The following NPHP4 variants were observed in gnomAD, a reference collection of about 807,000 sequenced individuals.
The protein encoded by NPHP4 is nephrocystin 4, also known as nephrocystin-4.
A neutral mutation model predicts 155.8 loss-of-function variants in NPHP4; 151 were observed. The observed-to-expected ratio is 0.97, with a 90% CI of 0.85 to 1.11. The LOEUF is 1.11. NPHP4 is among the 50% of genes least tolerant of loss of function. The probability of loss-of-function intolerance (pLI) is 0.00; values close to 1 mark genes in which losing one functional copy is unlikely to be tolerated. For missense variants in NPHP4, 1,956 were observed against 1,925.7 expected, an observed-to-expected ratio of 1.02 and a Z score of -0.29; for synonymous variants, 845 against 816.8, an observed-to-expected ratio of 1.03 and a Z score of -0.59.
At position 5,890,433 on chromosome 1, in the gene NPHP4, T is replaced by C. The variant is rs1644060617; in HGVS notation, c.2304+435A>G. On this transcript the variant is annotated intron_variant, in intron 17 of 29. Transcript: ENST00000378156. The surrounding 1 kb of genome is among the most constrained non-coding windows in gnomAD (Gnocchi z 4.9). ...ACAATTAGTAAAAGAGATTCTAATTTTCACCAGAATGAGAAAAGAACAACA... is the reference window on the plus strand; with the variant it reads ...ACAATTAGTAAAAGAGATTCTAATTCTCACCAGAATGAGAAAAGAACAACA... 6.6e-6 allele frequency among the ~76,000 whole-genome samples: 1 copy of C among 152,112 alleles called. No homozygotes were observed. The highest frequency in any genetic ancestry group is 1.9e-4 in the East Asian group (1 of 5,166).
intron 9 of NPHP4, among the ~76,000 whole-genome samples, chr1:5,937,767 T>C (rs977664048): frequency 6.6e-6 from 1 of 152,204 alleles, no homozygotes; most frequent in African/African-American, 2.4e-5. Context: ...AAAGACAAAC[T>C]ACTGCGTCAA....
At chr1:5,875,931 C>T (rs557946900) in intron 20 of NPHP4, 1 of 152,424 alleles carries the variant, frequency 6.6e-6, no homozygotes, top group South Asian at 2.1e-4. Flanking sequence ...TGATTTCTGG[C>T]TTAAATGACT....
intron 11 of NPHP4, among the ~76,000 whole-genome samples, chr1:5,914,286 A>AAAAAAAAAAAAAAAAAAG (rs70977991): frequency 7.1e-5 from 10 of 139,924 alleles, no homozygotes; most frequent in African/African-American, 2.9e-4. Flanking sequence ...AAAAAAAAAA[A>AAAAAAAAAAAAAAAAAAG]GGCCTGGTGT....
chr1:5,948,140 G>A lies in NPHP4; in HGVS notation c.922C>T (p.Pro308Ser), dbSNP rs1570585632. ...VQRPQVVVLV[P>S]EMDVALTRSA... is the part of the protein sequence containing the mutation. ...CGCGTCAAGGCCACATCCATCTCAG[G>A]CACCAGTACAACGACCTGCGGCCTC... The change falls in exon 8 of 30, where the codon CCT becomes TCT. Residue 308 changes from proline (P) to serine (S), a missense_variant. Coordinates refer to ENST00000378156, the MANE Select transcript of NPHP4 (RefSeq NM_015102.5). 1.2e-6 allele frequency: 2 copies of A among 1,613,700 alleles called. No individual in the cohort carries two copies. Among genetic ancestry groups the A allele is most frequent in the African/African-American group, 1.3e-5 (1 of 75,034 alleles).
At chr1:5,864,621 T>C (rs769878316) in intron 27 of NPHP4, 104 bp from the exon 28 acceptor site, 3 of 1,174,992 alleles carry the variant, frequency 2.6e-6, no homozygotes, top group South Asian at 3.5e-5. Flanking sequence ...CCCAAGGTCA[T>C]GGGTGGTTCC....
In NPHP4 at chr1:5,892,283, C is replaced by G. The variant is rs912273270; in HGVS notation, c.2144-1255G>C. Among the ~76,000 whole-genome samples, 5 of 152,072 alleles carry G rather than the reference C, an allele frequency of 3.3e-5. No homozygotes were observed. Among genetic ancestry groups the G allele is most frequent in the African/African-American group, 1.2e-4 (5 of 41,404 alleles). ...GATCATCCCACTGGGGCTTGTCGGA[C>G]AGTGGGTGAGAGTTGGGAGGCTGGT... On this transcript the variant is annotated intron_variant, in intron 16 of 29. Coordinates refer to ENST00000378156, the MANE Select transcript of NPHP4 (RefSeq NM_015102.5). The surrounding 1 kb of genome is among the most constrained non-coding windows in gnomAD (Gnocchi z 4.5).
Position 5,938,153 on chromosome 1 carries a change from G to A in NPHP4, c.1120-4824C>T, listed in dbSNP as rs79579932. Among the ~76,000 whole-genome samples, 134 of 152,364 alleles carry A rather than the reference G, an allele frequency of 8.8e-4. 1 individual carries two copies. The East Asian group carries it at 0.021, about 24-fold the overall frequency. ...AGCATGACAGGTGGGGCACACAAGC[G>A]GCGGGTGGCTCCGGAACTCAGAGCT... On this transcript the variant is annotated intron_variant, in intron 9 of 29. Transcript: ENST00000378156.
intron 4 of NPHP4, 120 bp from the exon 5 acceptor site, chr1:5,967,483 T>C (rs1651741940): frequency 1.3e-6 from 1 of 762,798 alleles, no homozygotes; most frequent in Admixed American, 2.1e-5. Context: ...ACCAGTCCCA[T>C]CCTCTGCGGA....
chr1:5,921,395 A>T (rs996325263), intron 11 of NPHP4, among the ~76,000 whole-genome samples: 1 of 152,214 alleles, frequency 6.6e-6, no homozygotes, highest in African/African-American at 2.4e-5. Context: ...ATATTAACTA[A>T]ATATTACAAA....
intron 20 of NPHP4, chr1:5,875,891 G>C (rs973470863): frequency 2.6e-5 from 4 of 152,290 alleles, no homozygotes; most frequent in Non-Finnish European, 4.4e-5. Context: ...AGTGCTTTCA[G>C]GATTTAACTC....
At chr1:5,964,941 A>ATATATATATATATTTTTTTTTTT in intron 5 of NPHP4, among the ~76,000 whole-genome samples, 6 of 59,400 alleles carry the variant, frequency 1.0e-4, no homozygotes, top group Admixed American at 4.7e-4. Context: ...ATATATATAT[A>ATATATATATATATTTTTTTTTTT]TTTTTTTTTT....
intron 8 of NPHP4, 104 bp from the exon 9 acceptor site, chr1:5,947,334 A>T: frequency 8.1e-7 from 1 of 1,231,810 alleles, no homozygotes; most frequent in Non-Finnish European, 1.2e-6. Flanking sequence ...ACCCTGGGGG[A>T]CACAGGGGTG....
intron 4 of NPHP4, 98 bp downstream of exon 4, chr1:5,968,989 T>G: frequency 1.3e-6 from 1 of 789,340 alleles, no homozygotes; most frequent in Non-Finnish European, 2.0e-6. Context: ...ATTACACCAC[T>G]GCACTCTAGC....
chr1:5,960,805 C>T (rs986217098), intron 6 of NPHP4, among the ~76,000 whole-genome samples: 42 of 152,080 alleles, frequency 2.8e-4, no homozygotes, highest in African/African-American at 9.7e-4. Context: ...GGGGTCGACC[C>T]AATTCCACCA....
At chr1:5,973,867 C>G (rs1653032485) in intron 3 of NPHP4, among the ~76,000 whole-genome samples, 1 of 152,258 alleles carries the variant, frequency 6.6e-6, no homozygotes, top group South Asian at 2.1e-4. Context: ...GAGTTGGCCT[C>G]CTAGAGCCAT....
intron 9 of NPHP4, among the ~76,000 whole-genome samples, chr1:5,935,312 G>A (rs1646480582): frequency 6.6e-6 from 1 of 152,146 alleles, no homozygotes; most frequent in African/African-American, 2.4e-5. Flanking sequence ...CCAGGTTACT[G>A]CCACATTCAC....
chr1:5,978,896 A>G (rs1400283291), intron 2 of NPHP4, among the ~76,000 whole-genome samples: 3 of 152,204 alleles, frequency 2.0e-5, no homozygotes, highest in South Asian at 4.1e-4. Context: ...CAACCAAATG[A>G]GCCCTTCCTG....
intron 5 of NPHP4, among the ~76,000 whole-genome samples, chr1:5,963,862 G>GT (rs1415347490): frequency 1.3e-5 from 2 of 151,876 alleles, no homozygotes; most frequent in South Asian, 2.1e-4. Flanking sequence ...TAATTTTTGT[G>GT]TTTTTAGTAG....
At chr1:5,893,751 G>A (rs142664843) in intron 16 of NPHP4, among the ~76,000 whole-genome samples, 2,213 of 152,260 alleles carry the variant, frequency 0.015, 43 homozygotes, top group Admixed American at 0.033. Context: ...TCCCTTTCCC[G>A]GTCTGCTAAG....
Sources: gnomAD v4.1 joint callset for allele counts (sites outside exome capture counted in the v4.1 genomes callset) on GRCh38, gnomAD v4.1.1 for gene constraint, Gnocchi (gnomAD v3.1) non-coding constraint, MANE v1.5 for transcripts, NCBI Gene and HGNC (gene_info 2026-07-23, HGNC 2026-07-21) for gene names.